The following HAND2 variants were observed in gnomAD, a reference collection of about 807,000 sequenced individuals.
HAND2 encodes heart- and neural crest derivatives-expressed protein 2.
HAND2 carries 2 observed loss-of-function variants against 14.7 expected under a neutral mutation model. That is an observed-to-expected ratio of 0.14 (90% CI 0.06 to 0.43). The LOEUF is 0.43. Ranked by LOEUF, HAND2 falls within the 20% of genes least tolerant of loss-of-function variation. The probability of loss-of-function intolerance (pLI) is 0.99; values close to 1 mark genes in which losing one functional copy is unlikely to be tolerated. For synonymous variants in HAND2, 162 were observed against 135.9 expected (o/e 1.19, Z -1.34); for missense variants, 275 against 313.6 (o/e 0.88, Z 0.93).
chr4:173,528,511 C>T lies in HAND2; in HGVS notation c.555+224G>A, dbSNP rs1185539828. ...CAGCGATAACCCGGAGGTAAGATCA[C>T]CAGCGCAAAGCATCCCTAACCTTCT... On this transcript the variant is annotated intron_variant, in intron 1 of 1. Transcript: ENST00000359562. The surrounding 1 kb of genome is among the most constrained non-coding windows in gnomAD (Gnocchi z 5.6). 6.8e-6 allele frequency: 4 copies of T among 591,556 alleles called. No homozygotes were observed. The highest frequency in any genetic ancestry group is 2.9e-5 in the East Asian group (1 of 34,314). 36.6% of individuals were successfully genotyped at this position (591,556 alleles called of 1,614,324 possible).
At position 173,526,859 on chromosome 4, in the gene HAND2, C is replaced by A; in HGVS notation, c.*418G>T. ...ACCCAGGAATATTTATATCCAAAGG[C>A]CAAGTATTAAAGATACACTTCACAA... is the stretch of plus-strand genomic sequence containing the variant. On this transcript the variant is annotated 3_prime_UTR_variant, in exon 2 of 2. Coordinates refer to ENST00000359562, the MANE Select transcript of HAND2 (RefSeq NM_021973.3). The A allele has an allele frequency of 2.4e-6, 1 of 408,198 alleles. No homozygotes were observed. The highest frequency in any genetic ancestry group is 4.9e-6 in the Non-Finnish European group (1 of 205,442). 25.3% of individuals were successfully genotyped at this position (408,198 alleles called of 1,614,324 possible).
chr4:173,529,079 C>G lies in HAND2; in HGVS notation c.211G>C (p.Gly71Arg). Residue 71 changes from glycine to arginine, a missense_variant, in exon 1 of 2, where the codon GGC becomes CGC. By Grantham distance (125) the Gly-to-Arg change is moderately radical. Coordinates refer to ENST00000359562, the MANE Select transcript of HAND2 (RefSeq NM_021973.3). ...ALSYSPEYAS[G>R]AAGLDHSHYG... is the part of the protein sequence containing the mutation. ...TGGGAGTGGTCCAGGCCGGCGGCGC[C>G]GCTGGCATACTCGGGGCTGTAGGAC... The G allele has an allele frequency of 6.6e-7, 1 of 1,505,782 alleles. No individual in the cohort carries two copies. The highest frequency in any genetic ancestry group is 8.8e-7 in the Non-Finnish European group (1 of 1,139,148). 93.3% of individuals were successfully genotyped at this position (1,505,782 alleles called of 1,614,324 possible).
chr4:173,529,193 TGGCGGCGGCGGCGGCAGCTGCGGC>T lies in HAND2; in HGVS notation c.73_96del (p.Ala25_Ala32del), dbSNP rs753612276. ...GGGTTCTCCTCATGGCTGCAGCGGC[TGGCGGCGGCGGCGGCAGCTGCGGC>T]GGCGGCGGCGGCAAACGGGTAGCCC... On this transcript the variant is annotated inframe_deletion, in exon 1 of 2. Transcript: ENST00000359562. 286 of 1,437,776 alleles carry T rather than the reference TGGCGGCGGCGGCGGCAGCTGCGGC, an allele frequency of 2.0e-4. No homozygotes were observed. Among genetic ancestry groups the T allele is most frequent in the East Asian group, 3.3e-4 (12 of 35,978 alleles). 89.1% of individuals were successfully genotyped at this position (1,437,776 alleles called of 1,614,324 possible).
At position 173,527,452 on chromosome 4, in the gene HAND2, G is replaced by A. The variant is rs1731493470; in HGVS notation, c.556-77C>T. The A allele has an allele frequency of 2.5e-5, 24 of 964,278 alleles. No homozygotes were observed. In the South Asian group the frequency reaches 3.1e-4, roughly 12 times the overall value. 59.7% of individuals were successfully genotyped at this position (964,278 alleles called of 1,614,324 possible). ...GGATACCTGGTTCCACACCAACCCG[G>A]AGCTTCCTGCGCCGGAGGAGACAGT... On this transcript the variant is annotated intron_variant, in intron 1 of 1. Transcript: ENST00000359562.
chr4:173,526,862 A>C lies in HAND2; in HGVS notation c.*415T>G, dbSNP rs1731467021. Reference sequence around the variant, plus strand: ...CAGGAATATTTATATCCAAAGGCCAAGTATTAAAGATACACTTCACAAACG... The same window carrying C: ...CAGGAATATTTATATCCAAAGGCCACGTATTAAAGATACACTTCACAAACG... On this transcript the variant is annotated 3_prime_UTR_variant, in exon 2 of 2. Transcript: ENST00000359562. The C allele has an allele frequency of 4.9e-6, 2 of 411,420 alleles. No individual in the cohort carries two copies. Among genetic ancestry groups the C allele is most frequent in the Non-Finnish European group, 9.7e-6 (2 of 207,088 alleles). 25.5% of individuals were successfully genotyped at this position (411,420 alleles called of 1,614,324 possible).
rs1309651770 is a variant in HAND2, at chr4:173,528,539, T to C, written c.555+196A>G. 3.1e-6 allele frequency: 2 copies of C among 644,438 alleles called. No individual in the cohort carries two copies. Among genetic ancestry groups the C allele is most frequent in the Non-Finnish European group, 5.4e-6 (2 of 369,700 alleles). The allele number at this position is 644,438 out of a possible 1,614,324, so 39.9% of individuals were successfully genotyped here. A position where few individuals can be genotyped will look rare whatever the true frequency, so the allele number is the denominator to read the frequency against. ...GCGCAAAGCATCCCTAACCTTCTCC[T>C]CCTCCTGCTGACACCCTCCCCTCAA... On this transcript the variant is annotated intron_variant, in intron 1 of 1. Transcript: ENST00000359562. This position sits in a 1 kb window ranked among gnomAD's most constrained non-coding sequence, Gnocchi z 5.6.
chr4:173,527,165 T>C lies in HAND2; in HGVS notation c.*112A>G. On this transcript the variant is annotated 3_prime_UTR_variant, in exon 2 of 2. Transcript: ENST00000359562. Reference sequence around the variant, plus strand: ...CATAAATAAACCGGATGATTCCAAATGCAAGGAGTCCTCAGAGCGGAGCGC... The same window carrying C: ...CATAAATAAACCGGATGATTCCAAACGCAAGGAGTCCTCAGAGCGGAGCGC... 1 of 766,506 alleles carries C rather than the reference T, an allele frequency of 1.3e-6. No homozygotes were observed. 47.5% of individuals were successfully genotyped at this position (766,506 alleles called of 1,614,324 possible).
chr4:173,528,819 C>T lies in HAND2; in HGVS notation c.471G>A (p.Lys157=). Reference sequence around the variant, plus strand: ...CCTCCGCCTCGCCATTCTGGTCGTCCTTGGCCAGCAGGTCCATGAGGTAGG... The same window carrying T: ...CCTCCGCCTCGCCATTCTGGTCGTCTTTGGCCAGCAGGTCCATGAGGTAGG... The part of the protein sequence containing the change: ...YIAYLMDLLA[K]DDQNGEAEAF... The change falls in exon 1 of 2, where the codon AAG becomes AAA. Residue 157 remains lysine (K), a synonymous_variant. Transcript: ENST00000359562. The surrounding 1 kb of genome is among the most constrained non-coding windows in gnomAD (Gnocchi z 5.6). The T allele has an allele frequency of 6.2e-7, 1 of 1,614,192 alleles. No homozygotes were observed. Among genetic ancestry groups the T allele is most frequent in the South Asian group, 1.1e-5 (1 of 91,088 alleles).
In HAND2 at chr4:173,526,650, C is replaced by T. The variant is rs936646735; in HGVS notation, c.*627G>A. On this transcript the variant is annotated 3_prime_UTR_variant, in exon 2 of 2. Coordinates refer to ENST00000359562, the MANE Select transcript of HAND2 (RefSeq NM_021973.3). Reference sequence around the variant, plus strand: ...ACAGTGGTTTATTGAATACTTACAACGTTTACACCTTCAATATTAATTAAA... The same window carrying T: ...ACAGTGGTTTATTGAATACTTACAATGTTTACACCTTCAATATTAATTAAA... 9.8e-6 allele frequency: 2 copies of T among 203,168 alleles called. No individual in the cohort carries two copies. Among genetic ancestry groups the T allele is most frequent in the African/African-American group, 4.7e-5 (2 of 43,000 alleles). 12.6% of individuals were successfully genotyped at this position (203,168 alleles called of 1,614,324 possible).
rs1346059200 is a variant in HAND2, at chr4:173,528,777, G to A, written c.513C>T (p.Ile171=). 6.2e-7 allele frequency: 1 copy of A among 1,614,030 alleles called. No individual in the cohort carries two copies. The highest frequency in any genetic ancestry group is 1.3e-5 in the African/African-American group (1 of 74,934). ...NGEAEAFKAE[I]KKTDVKEEKR... ...TCTCCTCTTTCACGTCGGTCTTCTT[G>A]ATCTCTGCCTTGAAGGCCTCCGCCT... Residue 171 remains isoleucine (I), a synonymous_variant, in exon 1 of 2, where the codon ATC becomes ATT. Transcript: ENST00000359562. The surrounding 1 kb of genome is among the most constrained non-coding windows in gnomAD (Gnocchi z 5.6).
Position 173,530,028 on chromosome 4 carries a change from A to C in HAND2, c.-739T>G, listed in dbSNP as rs1731665656. On this transcript the variant is annotated 5_prime_UTR_variant, in exon 1 of 2. The change abolishes an upstream ATG in the 5' untranslated region. Coordinates refer to ENST00000359562, the MANE Select transcript of HAND2 (RefSeq NM_021973.3). This position sits in a 1 kb window ranked among gnomAD's most constrained non-coding sequence, Gnocchi z 6.2. ...AGGGTTTTCAGAGAGGTCTCAGTGC[A>C]TCCATTTTCTCAGATCCTCTCCTTT... 1 of 151,852 alleles carries C rather than the reference A, an allele frequency of 6.6e-6. No individual in the cohort carries two copies. The highest frequency in any genetic ancestry group is 2.1e-4 in the South Asian group (1 of 4,806). The allele number at this position is 151,852 out of a possible 1,614,324, so 9.4% of individuals were successfully genotyped here.
chr4:173,527,430 TA>T, intron 1 of HAND2, 55 bp from the exon 2 acceptor site: 1 of 1,232,530 alleles, frequency 8.1e-7, no homozygotes, highest in Non-Finnish European at 1.2e-6. Context: ...TCAGAGAGGA[TA>T]CCTGGTTCCA....
rs1560883309 is a variant in HAND2 at position 173,526,619 on chromosome 4, A to C, written c.*658T>G. The C allele has an allele frequency of 6.0e-6, 1 of 166,404 alleles. No individual in the cohort carries two copies. The highest frequency in any genetic ancestry group is 1.3e-5 in the Non-Finnish European group (1 of 75,646). The allele number at this position is 166,404 out of a possible 1,614,324, so 10.3% of individuals were successfully genotyped here. A position where few individuals can be genotyped will look rare whatever the true frequency, so the allele number is the denominator to read the frequency against. ...TAAAAGATTAAGGTTTTTGTAAAAAAAAAACACAGTGGTTTATTGAATACT... is the reference window on the plus strand; with the variant it reads ...TAAAAGATTAAGGTTTTTGTAAAAACAAAACACAGTGGTTTATTGAATACT... On this transcript the variant is annotated 3_prime_UTR_variant, in exon 2 of 2. Coordinates refer to ENST00000359562, the MANE Select transcript of HAND2 (RefSeq NM_021973.3).
rs1731477895 is a variant in HAND2 at position 173,527,093 on chromosome 4, G to A, written c.*184C>T. ...ACTTTTTTTTTGGAGGGGGAGACGG[G>A]GAGCAGATGCCTCAAAGGGGGTCAA... is the stretch of plus-strand genomic sequence containing the variant. On this transcript the variant is annotated 3_prime_UTR_variant, in exon 2 of 2. Transcript: ENST00000359562. The A allele has an allele frequency of 1.4e-6, 1 of 701,202 alleles. No homozygotes were observed. Among genetic ancestry groups the A allele is most frequent in the Non-Finnish European group, 2.6e-6 (1 of 384,320 alleles). The allele number at this position is 701,202 out of a possible 1,614,324, so 43.4% of individuals were successfully genotyped here. A position where few individuals can be genotyped will look rare whatever the true frequency, so the allele number is the denominator to read the frequency against.
intron 1 of HAND2, chr4:173,527,609 A>C: frequency 1.8e-6 from 1 of 556,260 alleles, no homozygotes; most frequent in Non-Finnish European, 3.2e-6. Context: ...AAGTTTATAA[A>C]CAACCGCCCG....
At position 173,529,212 on chromosome 4, in the gene HAND2, T is replaced by TGCG. The variant is rs748679118; in HGVS notation, c.75_77dup (p.Ala32dup). The stretch of plus-strand genomic sequence containing the variant: ...AGCGGCTGGCGGCGGCGGCGGCAGC[T>TGCG]GCGGCGGCGGCGGCGGCAAACGGGT... On this transcript the variant is annotated inframe_insertion, in exon 1 of 2. Transcript: ENST00000359562. 2.5e-5 allele frequency: 36 copies of TGCG among 1,419,922 alleles called. No homozygotes were observed. The highest frequency in any genetic ancestry group is 1.1e-4 in the African/African-American group (7 of 65,986). The allele number at this position is 1,419,922 out of a possible 1,614,324, so 88.0% of individuals were successfully genotyped here.
rs58179762 is a variant in HAND2, at chr4:173,526,613, T to TA, written c.*663dup. 0.28 allele frequency: 44,879 copies of TA among 161,036 alleles called. 6,199 individuals carry two copies. The highest frequency in any genetic ancestry group is 0.34 in the Admixed American group (5,723 of 16,966). The allele number at this position is 161,036 out of a possible 1,614,324, so 10.0% of individuals were successfully genotyped here. ...AGCCATTAAAAGATTAAGGTTTTTG[T>TA]AAAAAAAAAACACAGTGGTTTATTG... On this transcript the variant is annotated 3_prime_UTR_variant, in exon 2 of 2. Coordinates refer to ENST00000359562, the MANE Select transcript of HAND2 (RefSeq NM_021973.3).
chr4:173,529,390 C>T lies in HAND2; in HGVS notation c.-101G>A, dbSNP rs1414553998. The stretch of plus-strand genomic sequence containing the variant: ...AGCGCTCGGCGTCCTCCCCCACCCC[C>T]CACCCCCCAGCCCCCGGGCGCCCGG... On this transcript the variant is annotated 5_prime_UTR_variant, in exon 1 of 2. Coordinates refer to ENST00000359562, the MANE Select transcript of HAND2 (RefSeq NM_021973.3). 1.1e-6 allele frequency: 1 copy of T among 890,194 alleles called. No homozygotes were observed. Among genetic ancestry groups the T allele is most frequent in the Non-Finnish European group, 1.4e-6 (1 of 700,732 alleles). The allele number at this position is 890,194 out of a possible 1,614,324, so 55.1% of individuals were successfully genotyped here.
Position 173,528,515 on chromosome 4 carries a change from C to T in HAND2, c.555+220G>A. ...GATAACCCGGAGGTAAGATCACCAG[C>T]GCAAAGCATCCCTAACCTTCTCCTC... is the stretch of plus-strand genomic sequence containing the variant. On this transcript the variant is annotated intron_variant, in intron 1 of 1. Transcript: ENST00000359562. This position sits in a 1 kb window ranked among gnomAD's most constrained non-coding sequence, Gnocchi z 5.6. 1 of 597,148 alleles carries T rather than the reference C, an allele frequency of 1.7e-6. No homozygotes were observed. Among genetic ancestry groups the T allele is most frequent in the Non-Finnish European group, 3.0e-6 (1 of 335,654 alleles). 37.0% of individuals were successfully genotyped at this position (597,148 alleles called of 1,614,324 possible).
Sources: allele counts gnomAD v4.1 joint callset, GRCh38; gene constraint gnomAD v4.1.1; non-coding constraint Gnocchi (gnomAD v3.1); transcripts MANE v1.5; gene names NCBI Gene and HGNC (gene_info 2026-07-23, HGNC 2026-07-21).